Variants in NR5A2 observed in about 807,000 individuals in gnomAD.
NR5A2 encodes nuclear receptor subfamily 5 group A member 2.
In NR5A2, 26 loss-of-function variants were observed where a neutral mutation model predicts 62.7. That is an observed-to-expected ratio of 0.41 (90% CI 0.30 to 0.58). NR5A2 has a LOEUF of 0.58. NR5A2 is among the 20% of genes least tolerant of loss of function. The probability of loss-of-function intolerance (pLI) is 0.22; values close to 1 mark genes in which losing one functional copy is unlikely to be tolerated. For synonymous variants in NR5A2, 246 were observed against 241.7 expected (o/e 1.02, Z -0.16); for missense variants, 541 against 669.1 (o/e 0.81, Z 2.11).
Position 200,176,366 on chromosome 1 carries a change from G to A in NR5A2, c.*2156G>A, listed in dbSNP as rs1242210017. The A allele has an allele frequency of 2.0e-5, 3 of 152,556 alleles. No individual in the cohort carries two copies. In the South Asian group the frequency reaches 6.2e-4, roughly 32 times the overall value. The allele number at this position is 152,556 out of a possible 1,614,324, so 9.5% of individuals were successfully genotyped here. ...AGGGTACACATTAGGTAAGCTGGGC[G>A]TTGACTCATGCGCAGTCTCAGTCAC... On this transcript the variant is annotated 3_prime_UTR_variant, in exon 8 of 8. Transcript: ENST00000367362.
chr1:200,060,706 T>C (rs566033476), intron 5 of NR5A2, among the ~76,000 whole-genome samples: 11 of 152,268 alleles, frequency 7.2e-5, no homozygotes, highest in African/African-American at 2.4e-4. Context: ...ACTTCCTCCT[T>C]GGAAATAATT....
At chr1:200,061,979 C>T (rs2816913) in intron 5 of NR5A2, among the ~76,000 whole-genome samples, 60,222 of 151,972 alleles carry the variant, frequency 0.4, 15,576 homozygotes, top group African/African-American at 0.74. Flanking sequence ...GTTGAATTAA[C>T]GTGCTCAAGA....
intron 5 of NR5A2, among the ~76,000 whole-genome samples, chr1:200,083,442 A>G (rs576466564): frequency 6.6e-6 from 1 of 152,336 alleles, no homozygotes; most frequent in East Asian, 1.9e-4. Context: ...CATACATTAC[A>G]TATATGTGTA....
chr1:200,142,188 CTTTTTTTTTT>C (rs535827114), intron 7 of NR5A2, among the ~76,000 whole-genome samples: 56 of 55,410 alleles, frequency 1.0e-3, no homozygotes, highest in African/African-American at 3.1e-3. Flanking sequence ...TTAAAGACTT[CTTTTTTTTTT>C]TTTTTTTTTT....
Position 200,039,569 on chromosome 1 carries a change from C to A in NR5A2, c.65-89C>A. On this transcript the variant is annotated intron_variant, in intron 1 of 7. Coordinates refer to ENST00000367362, the MANE Select transcript of NR5A2 (RefSeq NM_205860.3). The surrounding 1 kb of genome is among the most constrained non-coding windows in gnomAD (Gnocchi z 5.1). ...AGCCCCGAGGAGGCGGAGGCACGCT[C>A]CGGCGAGGCGAGAGGGTTGGGTTAG... 1 of 1,578,788 alleles carries A rather than the reference C, an allele frequency of 6.3e-7. No individual in the cohort carries two copies. The highest frequency in any genetic ancestry group is 1.1e-5 in the South Asian group (1 of 88,594).
chr1:200,081,765 AC>A (rs1249358794), intron 5 of NR5A2, among the ~76,000 whole-genome samples: 2 of 132,012 alleles, frequency 1.5e-5, no homozygotes, highest in African/African-American at 6.1e-5. Flanking sequence ...AACATAGTCT[AC>A]CTTTTTTTTT....
At chr1:200,165,222 A>G (rs1437686757) in intron 7 of NR5A2, among the ~76,000 whole-genome samples, 1 of 151,962 alleles carries the variant, frequency 6.6e-6, no homozygotes. Context: ...AAAGGTACAG[A>G]GACTCCCCAC....
intron 6 of NR5A2, among the ~76,000 whole-genome samples, chr1:200,112,926 CT>C (rs1463959593): frequency 6.6e-6 from 1 of 152,190 alleles, no homozygotes; most frequent in African/African-American, 2.4e-5. Context: ...TTGTGCCGTT[CT>C]TTTTCTCAAA....
chr1:200,151,142 C>T (rs1446561883), intron 7 of NR5A2, among the ~76,000 whole-genome samples: 1 of 152,086 alleles, frequency 6.6e-6, no homozygotes, highest in Non-Finnish European at 1.5e-5. Flanking sequence ...AAATGTCTTT[C>T]ACTCATCCCA....
At chr1:200,066,434 A>G (rs1306372554) in intron 5 of NR5A2, among the ~76,000 whole-genome samples, 1 of 151,972 alleles carries the variant, frequency 6.6e-6, no homozygotes, top group Non-Finnish European at 1.5e-5. Flanking sequence ...CTCAGATGTC[A>G]CCTTTGGGAA....
intron 1 of NR5A2, among the ~76,000 whole-genome samples, chr1:200,029,884 G>A (rs1571685450): frequency 6.6e-6 from 1 of 152,190 alleles, no homozygotes; most frequent in East Asian, 1.9e-4. Flanking sequence ...TGTGGCACCG[G>A]GAGACAATCT....
At chr1:200,113,332 A>G (rs1284649335) in intron 6 of NR5A2, among the ~76,000 whole-genome samples, 1 of 151,814 alleles carries the variant, frequency 6.6e-6, no homozygotes, top group Admixed American at 6.6e-5. Context: ...CACTTTTTTC[A>G]TCCAGTCCAG....
At chr1:200,102,974 A>G (rs768419072) in intron 5 of NR5A2, among the ~76,000 whole-genome samples, 1 of 152,084 alleles carries the variant, frequency 6.6e-6, no homozygotes, top group Non-Finnish European at 1.5e-5. Context: ...CTCTTCAGAT[A>G]TTGGCTCTGC....
intron 1 of NR5A2, among the ~76,000 whole-genome samples, chr1:200,034,814 T>TTTTTA (rs1558094010): frequency 2.0e-5 from 2 of 101,718 alleles, no homozygotes; most frequent in African/African-American, 7.3e-5. Flanking sequence ...TTTTTTTTTT[T>TTTTTA]AAACAAGGCA....
chr1:200,155,014 A>G (rs1365913061), intron 7 of NR5A2, among the ~76,000 whole-genome samples: 2 of 152,202 alleles, frequency 1.3e-5, no homozygotes, highest in Admixed American at 1.3e-4. Context: ...CAACTCCGGG[A>G]CTAAGATTCA....
chr1:200,166,677 C>T (rs1653918710), intron 7 of NR5A2, among the ~76,000 whole-genome samples: 2 of 152,142 alleles, frequency 1.3e-5, no homozygotes, highest in South Asian at 4.1e-4. Flanking sequence ...TCCTGCTCCG[C>T]CCGAGGGAAG....
At chr1:200,140,994 G>C (rs1293306826) in intron 7 of NR5A2, among the ~76,000 whole-genome samples, 2 of 152,116 alleles carry the variant, frequency 1.3e-5, no homozygotes, top group Non-Finnish European at 2.9e-5. Context: ...TCATGCCATT[G>C]CACTCCAGCC....
At chr1:200,124,289 G>A (rs1666606508) in intron 7 of NR5A2, among the ~76,000 whole-genome samples, 1 of 152,076 alleles carries the variant, frequency 6.6e-6, no homozygotes, top group Admixed American at 6.5e-5. Context: ...ATTCAAAGCG[G>A]GTCCCAATAG....
chr1:200,156,661 T>C (rs1029504742), intron 7 of NR5A2, among the ~76,000 whole-genome samples: 7 of 152,142 alleles, frequency 4.6e-5, no homozygotes, highest in African/African-American at 1.4e-4. Context: ...CCTCCCAAAG[T>C]GCTGGGATTA....
Sources: gnomAD v4.1 joint callset for allele counts (sites outside exome capture counted in the v4.1 genomes callset) on GRCh38, gnomAD v4.1.1 for gene constraint, Gnocchi (gnomAD v3.1) non-coding constraint, MANE v1.5 for transcripts, NCBI Gene and HGNC (gene_info 2026-07-23, HGNC 2026-07-21) for gene names.